Variants in RBFOX1 observed in about 807,000 individuals in gnomAD.
The protein encoded by RBFOX1 is RNA binding fox-1 homolog 1.
Under a neutral mutation model 57.7 loss-of-function variants are expected in RBFOX1, and 8 were observed. The ratio of observed to expected loss-of-function variants is 0.14; its 90% CI spans 0.08 to 0.25. The LOEUF (loss-of-function observed/expected upper bound fraction) is 0.25. Among genes scored for constraint, RBFOX1 ranks in the 10% least tolerant of loss-of-function variants. The pLI is 1.00. For synonymous variants in RBFOX1, 326 were observed against 222.4 expected (o/e 1.47, Z -4.15); for missense variants, 611 against 548.5 (o/e 1.11, Z -1.14).
intron 4 of RBFOX1, among the ~76,000 whole-genome samples, chr16:7,136,233 G>A (rs1160686980): frequency 3.9e-5 from 6 of 152,142 alleles, no homozygotes; most frequent in African/African-American, 1.4e-4. Flanking sequence ...ATGGTAGCCA[G>A]TAATCACAGT....
At chr16:6,684,954 T>G (rs2154126158) in intron 3 of RBFOX1, among the ~76,000 whole-genome samples, 1 of 152,302 alleles carries the variant, frequency 6.6e-6, no homozygotes, top group Middle Eastern at 3.4e-3. Flanking sequence ...TGATCTTCAA[T>G]TAATCTCTTT....
intron 3 of RBFOX1, among the ~76,000 whole-genome samples, chr16:6,669,320 C>CT (rs1447885588): frequency 6.6e-6 from 1 of 152,116 alleles, no homozygotes; most frequent in African/African-American, 2.4e-5. Flanking sequence ...TTATATTGTG[C>CT]TTCTTTTTAT....
At chr16:7,210,998 C>G (rs891544322) in intron 4 of RBFOX1, among the ~76,000 whole-genome samples, 7 of 151,182 alleles carry the variant, frequency 4.6e-5, no homozygotes, top group Non-Finnish European at 1.5e-5. Context: ...TGTTAAATTG[C>G]TTGACTACAT....
intron 2 of RBFOX1, among the ~76,000 whole-genome samples, chr16:6,404,586 T>G (rs147140201): frequency 1.6e-4 from 24 of 152,320 alleles, no homozygotes; most frequent in African/African-American, 5.8e-4. Context: ...TCCTTTTTCT[T>G]CTTTTTCCTT....
At chr16:7,068,452 C>A (rs117234750) in intron 4 of RBFOX1, among the ~76,000 whole-genome samples, 1 of 152,146 alleles carries the variant, frequency 6.6e-6, no homozygotes, top group Non-Finnish European at 1.5e-5. Flanking sequence ...CTCACCTCTA[C>A]CTGCCTTTTG....
chr16:5,969,906 C>G (rs998999390), intron 4 of RBFOX1, among the ~76,000 whole-genome samples: 5 of 151,982 alleles, frequency 3.3e-5, no homozygotes, highest in African/African-American at 4.8e-5. Flanking sequence ...AGTTTGCAAG[C>G]AGAGTTTGGA....
At chr16:5,355,865 T>C (rs1266460752) in intron 1 of RBFOX1, among the ~76,000 whole-genome samples, 3 of 152,122 alleles carry the variant, frequency 2.0e-5, no homozygotes, top group Admixed American at 2.0e-4. Flanking sequence ...CCGAGGCAGG[T>C]GAATCGCCTG....
At chr16:6,091,309 A>G (rs1239218842) in intron 1 of RBFOX1, among the ~76,000 whole-genome samples, 1 of 152,172 alleles carries the variant, frequency 6.6e-6, no homozygotes, top group African/African-American at 2.4e-5. Flanking sequence ...TGAAGTCTTT[A>G]AAAGCTATTT....
intron 4 of RBFOX1, among the ~76,000 whole-genome samples, chr16:7,173,134 T>G (rs1213350555): frequency 6.6e-6 from 1 of 152,228 alleles, no homozygotes; most frequent in Non-Finnish European, 1.5e-5. Flanking sequence ...TATTCATATT[T>G]CATAAAATCT....
At chr16:7,397,589 G>A (rs956640026) in intron 4 of RBFOX1, among the ~76,000 whole-genome samples, 60 of 152,272 alleles carry the variant, frequency 3.9e-4, no homozygotes, top group African/African-American at 1.3e-3. Flanking sequence ...CTGAATGGAA[G>A]GACACTAAAA....
rs192594045 is a variant in RBFOX1, at chr16:6,760,071, G to A, written c.-16+105421G>A. On this transcript the variant is annotated intron_variant, in intron 3 of 15. Coordinates refer to ENST00000550418, the MANE Select transcript of RBFOX1 (RefSeq NM_018723.4). ...AAAAGGTGAGCATATGGCTCGGGGA[G>A]TCCAAACTCAGTGTGATCTTGTTTT... Among the ~76,000 whole-genome samples the A allele has an allele frequency of 3.9e-5, 6 of 152,268 alleles. No individual in the cohort carries two copies. In the East Asian group the frequency reaches 1.2e-3, roughly 29 times the overall value.
intron 3 of RBFOX1, among the ~76,000 whole-genome samples, chr16:6,717,817 C>T (rs1215178009): frequency 6.6e-6 from 1 of 152,136 alleles, no homozygotes; most frequent in African/African-American, 2.4e-5. Flanking sequence ...GTACTTCAGG[C>T]ATTCTTGTTA....
At chr16:6,187,256 G>A (rs1203849412) in intron 1 of RBFOX1, among the ~76,000 whole-genome samples, 1 of 152,106 alleles carries the variant, frequency 6.6e-6, no homozygotes, top group Non-Finnish European at 1.5e-5. Flanking sequence ...AGGGAAGTGA[G>A]TTGGGATGAC....
Position 5,287,469 on chromosome 16 carries a change from C to T in RBFOX1, c.219+47364C>T, listed in dbSNP as rs575167323. On this transcript the variant is annotated intron_variant, in intron 1 of 2. Coordinates refer to the RBFOX1 transcript ENST00000585867. ...GCTATTAAAAATTGGTTAAAATCTA[C>T]AGAGATAAAGGACGGTCGCCCTTGT... 2.3e-4 allele frequency among the ~76,000 whole-genome samples: 35 copies of T among 152,306 alleles called. No individual in the cohort carries two copies. In the South Asian group the frequency reaches 4.6e-3, roughly 20 times the overall value.
intron 4 of RBFOX1, among the ~76,000 whole-genome samples, chr16:7,074,142 T>G (rs950460720): frequency 1.3e-5 from 2 of 152,138 alleles, no homozygotes; most frequent in East Asian, 1.9e-4. Flanking sequence ...GTCCACTGAT[T>G]AGGAGAAAAA....
intron 3 of RBFOX1, among the ~76,000 whole-genome samples, chr16:6,862,190 G>C (rs1000698234): frequency 1.3e-5 from 2 of 152,128 alleles, no homozygotes; most frequent in African/African-American, 4.8e-5. Context: ...GTCATGTTTA[G>C]GGACATAAAT....
intron 4 of RBFOX1, among the ~76,000 whole-genome samples, chr16:7,129,073 C>T (rs1251777148): frequency 2.6e-5 from 4 of 152,202 alleles, no homozygotes; most frequent in African/African-American, 7.2e-5. Flanking sequence ...CCCACCTCAG[C>T]CTCCCAAAGT....
intron 3 of RBFOX1, among the ~76,000 whole-genome samples, chr16:6,966,328 T>G (rs1473445755): frequency 2.0e-5 from 3 of 151,972 alleles, no homozygotes; most frequent in Non-Finnish European, 2.9e-5. Context: ...GGAGAGCAAG[T>G]TTTGGCTCTC....
chr16:6,014,090 T>C (rs1158305784), upstream of RBFOX1, among the ~76,000 whole-genome samples: 3 of 152,154 alleles, frequency 2.0e-5, no homozygotes, highest in Non-Finnish European at 4.4e-5. Flanking sequence ...TGTGCACATG[T>C]ACCCTAAAAC....
Sources: gnomAD v4.1 joint callset for allele counts (sites outside exome capture counted in the v4.1 genomes callset) on GRCh38, gnomAD v4.1.1 for gene constraint, MANE v1.5 for transcripts, NCBI Gene and HGNC (gene_info 2026-07-23, HGNC 2026-07-21) for gene names.